Variants in CAMK1D observed in about 807,000 individuals in gnomAD.
The protein encoded by CAMK1D is calcium/calmodulin-dependent protein kinase type 1D.
A neutral mutation model predicts 47.7 loss-of-function variants in CAMK1D; 9 were observed. That is an observed-to-expected ratio of 0.19 (90% CI 0.11 to 0.33). The LOEUF (loss-of-function observed/expected upper bound fraction) is 0.33. Ranked by LOEUF, CAMK1D falls within the 10% of genes least tolerant of loss-of-function variation. The pLI, the probability that CAMK1D is intolerant of heterozygous loss-of-function variation, is 1.00. For synonymous variants in CAMK1D, 184 were observed against 184.9 expected, an observed-to-expected ratio of 0.99 and a Z score of 0.04; for missense variants, 291 against 488.7, an observed-to-expected ratio of 0.60 and a Z score of 3.81.
At position 12,800,562 on chromosome 10, in the gene CAMK1D, C is replaced by T. The variant is rs113377940; in HGVS notation, c.641+9329C>T. 9.4e-4 allele frequency among the ~76,000 whole-genome samples: 143 copies of T among 152,320 alleles called. 1 individual carries two copies. Among genetic ancestry groups the T allele is most frequent in the Non-Finnish European group, 1.5e-3 (100 of 68,032 alleles). On this transcript the variant is annotated intron_variant, in intron 6 of 10. Transcript: ENST00000619168. ...ATGCCCAGAGTTGATTGATTTTGCTCGTGTTTTTCAGACCCCCATTGGGCC... is the reference window on the plus strand; with the variant it reads ...ATGCCCAGAGTTGATTGATTTTGCTTGTGTTTTTCAGACCCCCATTGGGCC...
At chr10:12,538,832 G>A (rs935586102) in intron 1 of CAMK1D, among the ~76,000 whole-genome samples, 1 of 151,612 alleles carries the variant, frequency 6.6e-6, no homozygotes, top group African/African-American at 2.4e-5. Context: ...CTGAAGTGGT[G>A]GGGGAGGGGG....
Position 12,675,768 on chromosome 10 carries a change from G to A in CAMK1D, c.299+8958G>A, listed in dbSNP as rs562753581. Among the ~76,000 whole-genome samples the A allele has an allele frequency of 3.3e-5, 5 of 152,206 alleles. No individual in the cohort carries two copies. The East Asian group carries it at 9.7e-4, about 29-fold the overall frequency. ...CAAAGTCATTATGGTGGCCTCCAGGGACCTATGTGTCCTGGCTCCTGGAAA... is the reference window on the plus strand; with the variant it reads ...CAAAGTCATTATGGTGGCCTCCAGGAACCTATGTGTCCTGGCTCCTGGAAA... On this transcript the variant is annotated intron_variant, in intron 3 of 10. Coordinates refer to ENST00000619168, the MANE Select transcript of CAMK1D (RefSeq NM_153498.4).
chr10:12,381,107 A>G (rs1193926439), intron 1 of CAMK1D, among the ~76,000 whole-genome samples: 1 of 152,206 alleles, frequency 6.6e-6, no homozygotes, highest in Non-Finnish European at 1.5e-5. Context: ...AAAAGGAAGT[A>G]GGAATGAAAA....
At chr10:12,368,020 G>A (rs1197915279) in intron 1 of CAMK1D, among the ~76,000 whole-genome samples, 1 of 152,044 alleles carries the variant, frequency 6.6e-6, no homozygotes, top group Non-Finnish European at 1.5e-5. Flanking sequence ...GTGAAACCCT[G>A]TCTCTACTAA....
At chr10:12,352,333 G>T (rs971440635) in intron 1 of CAMK1D, among the ~76,000 whole-genome samples, 8 of 152,126 alleles carry the variant, frequency 5.3e-5, no homozygotes. Flanking sequence ...TAATGGGCTG[G>T]GCGTGGTGGC....
chr10:12,792,972 A>G (rs1838047491), intron 6 of CAMK1D, among the ~76,000 whole-genome samples: 1 of 151,256 alleles, frequency 6.6e-6, no homozygotes, highest in Non-Finnish European at 1.5e-5. Flanking sequence ...ACACACACAC[A>G]CACACACACA....
intron 1 of CAMK1D, among the ~76,000 whole-genome samples, chr10:12,462,037 G>A (rs887997732): frequency 2.6e-5 from 4 of 152,008 alleles, no homozygotes; most frequent in African/African-American, 9.7e-5. Flanking sequence ...CTCAGCGAAA[G>A]AATGAGTGCG....
intron 1 of CAMK1D, among the ~76,000 whole-genome samples, chr10:12,395,055 T>A (rs1008163800): frequency 5.7e-5 from 8 of 141,494 alleles, no homozygotes; most frequent in African/African-American, 8.1e-5. Context: ...TTTATTTTTT[T>A]AAAATTTTAA....
intron 3 of CAMK1D, among the ~76,000 whole-genome samples, chr10:12,672,201 C>G (rs1230481986): frequency 6.6e-6 from 1 of 151,960 alleles, no homozygotes; most frequent in Non-Finnish European, 1.5e-5. Flanking sequence ...AAGCGTGAGC[C>G]ACCTCGCCGG....
At chr10:12,523,618 G>T (rs914714883) in intron 1 of CAMK1D, among the ~76,000 whole-genome samples, 2 of 152,210 alleles carry the variant, frequency 1.3e-5, no homozygotes, top group African/African-American at 4.8e-5. Flanking sequence ...GGCGGATCAC[G>T]CCTGCAATCG....
intron 3 of CAMK1D, among the ~76,000 whole-genome samples, chr10:12,706,075 A>C (rs1408657966): frequency 6.6e-6 from 1 of 152,192 alleles, no homozygotes; most frequent in Non-Finnish European, 1.5e-5. Flanking sequence ...TAGAAATGGC[A>C]GATAGTAGGT....
At chr10:12,465,617 A>C (rs1431235415) in intron 1 of CAMK1D, among the ~76,000 whole-genome samples, 2 of 152,226 alleles carry the variant, frequency 1.3e-5, no homozygotes, top group Non-Finnish European at 2.9e-5. Context: ...GGCCTCCCAC[A>C]GTGCTGGGAT....
chr10:12,399,220 G>A (rs1395385932), intron 1 of CAMK1D, among the ~76,000 whole-genome samples: 2 of 152,038 alleles, frequency 1.3e-5, no homozygotes, highest in Non-Finnish European at 2.9e-5. Flanking sequence ...TAAAAGTTGA[G>A]GGCCGGCTGG....
At chr10:12,494,060 T>C (rs1333894402) in intron 1 of CAMK1D, among the ~76,000 whole-genome samples, 2 of 152,218 alleles carry the variant, frequency 1.3e-5, no homozygotes, top group African/African-American at 2.4e-5. Context: ...TGAACATCTC[T>C]TGAGTGCAGT....
At chr10:12,386,951 C>T (rs1838514259) in intron 1 of CAMK1D, among the ~76,000 whole-genome samples, 1 of 152,184 alleles carries the variant, frequency 6.6e-6, no homozygotes, top group East Asian at 1.9e-4. Context: ...CCTGTAATCC[C>T]AGCACTTTGG....
At chr10:12,391,292 T>C (rs1838719480) in intron 1 of CAMK1D, among the ~76,000 whole-genome samples, 1 of 152,236 alleles carries the variant, frequency 6.6e-6, no homozygotes, top group Non-Finnish European at 1.5e-5. Context: ...GGAATCACTA[T>C]GTAAATTAAC....
At chr10:12,617,705 G>A (rs775411435) in intron 2 of CAMK1D, among the ~76,000 whole-genome samples, 7 of 152,054 alleles carry the variant, frequency 4.6e-5, no homozygotes, top group Non-Finnish European at 1.0e-4. Flanking sequence ...TACCTGCCGG[G>A]TTAGTTTTTT....
chr10:12,437,070 G>T (rs1832654003), intron 1 of CAMK1D, among the ~76,000 whole-genome samples: 1 of 152,060 alleles, frequency 6.6e-6, no homozygotes, highest in Non-Finnish European at 1.5e-5. Context: ...GGTGACGTGT[G>T]AAATGGCATC....
chr10:12,458,911 C>T (rs1266321756), intron 1 of CAMK1D, among the ~76,000 whole-genome samples: 2 of 139,152 alleles, frequency 1.4e-5, no homozygotes, highest in Non-Finnish European at 3.0e-5. Context: ...TGAAATCTCG[C>T]TCTGTTGCCC....
Sources: allele counts gnomAD v4.1 joint callset (sites outside exome capture counted in the v4.1 genomes callset), GRCh38; gene constraint gnomAD v4.1.1; transcripts MANE v1.5; gene names NCBI Gene and HGNC (gene_info 2026-07-23, HGNC 2026-07-21).